Variants in VPS13B observed in about 807,000 individuals in gnomAD.
VPS13B encodes vacuolar protein sorting 13 homolog B.
VPS13B carries 285 observed loss-of-function variants against 426.4 expected under a neutral mutation model. That is an observed-to-expected ratio of 0.67 (90% CI 0.61 to 0.74). The LOEUF (loss-of-function observed/expected upper bound fraction) is 0.74, where lower values mean the gene tolerates loss of function less well. Among genes scored for constraint, VPS13B ranks in the 30% least tolerant of loss-of-function variants. VPS13B has a pLI of 0.00. For missense variants in VPS13B, 4,537 were observed against 4,782.6 expected (o/e 0.95, Z 1.51); for synonymous variants, 1,676 against 1,676.4 (o/e 1.00, Z 0.01).
At chr8:99,620,666 A>G (rs1828306998) in intron 33 of VPS13B, among the ~76,000 whole-genome samples, 1 of 152,116 alleles carries the variant, frequency 6.6e-6, no homozygotes, top group African/African-American at 2.4e-5. Context: ...TAATTATGGC[A>G]TATGATAAGA....
At chr8:99,632,305 ATT>A (rs763417766) in intron 33 of VPS13B, among the ~76,000 whole-genome samples, 55 of 151,986 alleles carry the variant, frequency 3.6e-4, no homozygotes, top group Non-Finnish European at 7.8e-4. Flanking sequence ...GATGCTTGAT[ATT>A]TGAGAGGAAG....
At chr8:99,781,066 A>G (rs1277215419) in intron 42 of VPS13B, among the ~76,000 whole-genome samples, 1 of 152,138 alleles carries the variant, frequency 6.6e-6, no homozygotes, top group Non-Finnish European at 1.5e-5. Flanking sequence ...GAGACAAGTC[A>G]TTTTTCCCCA....
At chr8:99,798,030 A>G (rs1477062396) in intron 43 of VPS13B, among the ~76,000 whole-genome samples, 1 of 152,106 alleles carries the variant, frequency 6.6e-6, no homozygotes, top group Non-Finnish European at 1.5e-5. Context: ...AGTGGCAGTA[A>G]CAAGCTTCTT....
intron 2 of VPS13B, among the ~76,000 whole-genome samples, chr8:99,030,540 C>G (rs895422288): frequency 6.6e-6 from 1 of 151,744 alleles, no homozygotes; most frequent in African/African-American, 2.4e-5. Flanking sequence ...ACTTTTTACC[C>G]TGAGTGTCTG....
intron 19 of VPS13B, among the ~76,000 whole-genome samples, chr8:99,325,679 C>T (rs1373521557): frequency 2.6e-5 from 4 of 152,136 alleles, no homozygotes; most frequent in African/African-American, 9.7e-5. Context: ...CATTATTTTC[C>T]ATGATTGGCA....
In VPS13B at chr8:99,819,423, A is replaced by G. The variant is rs1563490033; in HGVS notation, c.8633A>G (p.Asp2878Gly). 8 of 1,613,822 alleles carry G rather than the reference A, an allele frequency of 5.0e-6. No individual in the cohort carries two copies. Among genetic ancestry groups the G allele is most frequent in the East Asian group, 2.2e-5 (1 of 44,858 alleles). The change falls in exon 48 of 62, where the codon GAT (aspartate) becomes GGT (glycine). Residue 2878 changes from aspartate (D) to glycine (G), a missense_variant. Physicochemically the swap from Asp to Gly is moderately conservative, Grantham distance 94. Transcript: ENST00000357162. ...TTTCAATTTCCTAGAGAAGAATATG[A>G]TCCTTCAGATTGTGCAGTTCCCATC... is the stretch of plus-strand genomic sequence containing the variant. ...HLTFQAREEY[D>G]PSDCAVPIST...
chr8:99,656,868 A>C (rs781608064), intron 34 of VPS13B, among the ~76,000 whole-genome samples: 1 of 152,196 alleles, frequency 6.6e-6, no homozygotes, highest in African/African-American at 2.4e-5. Flanking sequence ...TTTAGCAAAA[A>C]CTGGGAAAAG....
intron 22 of VPS13B, 26 bp from the exon 23 acceptor site, chr8:99,442,375 A>G: frequency 6.3e-7 from 1 of 1,599,520 alleles, no homozygotes; most frequent in East Asian, 2.2e-5. Flanking sequence ...TAATCCGAAT[A>G]TTTTAATTCT....
intron 18 of VPS13B, 90 bp from the exon 19 acceptor site, chr8:99,274,991 A>T (rs1449485848): frequency 9.1e-7 from 1 of 1,103,304 alleles, no homozygotes; most frequent in African/African-American, 1.6e-5. Context: ...TTGAAATGTT[A>T]TATTATGGTG....
intron 2 of VPS13B, among the ~76,000 whole-genome samples, chr8:99,034,815 C>T (rs889345521): frequency 3.9e-5 from 6 of 152,086 alleles, no homozygotes; most frequent in Non-Finnish European, 7.4e-5. Flanking sequence ...GAGGATTTGC[C>T]GAGCTCCTCA....
intron 23 of VPS13B, among the ~76,000 whole-genome samples, chr8:99,462,684 A>G (rs1052048942): frequency 1.3e-5 from 2 of 152,126 alleles, no homozygotes; most frequent in African/African-American, 2.4e-5. Flanking sequence ...CCTCAAATTC[A>G]TATGTTGAGC....
chr8:99,864,854 C>A (rs1817012563), intron 58 of VPS13B, among the ~76,000 whole-genome samples: 1 of 152,188 alleles, frequency 6.6e-6, no homozygotes, highest in African/African-American at 2.4e-5. Context: ...GTCGCCTACC[C>A]CTGTGGGGCT....
At chr8:99,507,948 A>G (rs1821587717) in intron 28 of VPS13B, 2 of 1,613,708 alleles carry the variant, frequency 1.2e-6, no homozygotes, top group Non-Finnish European at 1.7e-6. Flanking sequence ...CACAACTCCC[A>G]TTAACAGGAA....
intron 3 of VPS13B, among the ~76,000 whole-genome samples, chr8:99,086,783 A>G (rs921881442): frequency 6.6e-6 from 1 of 152,164 alleles, no homozygotes; most frequent in African/African-American, 2.4e-5. Context: ...ATATTGGTGA[A>G]CAGCAAATGT....
intron 19 of VPS13B, among the ~76,000 whole-genome samples, chr8:99,329,754 A>G (rs1810457282): frequency 6.6e-6 from 1 of 152,054 alleles, no homozygotes; most frequent in Non-Finnish European, 1.5e-5. Context: ...CATTCTTATC[A>G]TCTTGACAGA....
intron 3 of VPS13B, among the ~76,000 whole-genome samples, chr8:99,061,535 G>C (rs1286320189): frequency 1.3e-5 from 2 of 151,306 alleles, no homozygotes. Context: ...ATATTTTACT[G>C]GTCCCATCTG....
intron 39 of VPS13B, among the ~76,000 whole-genome samples, chr8:99,748,756 A>G (rs564347772): frequency 6.6e-6 from 1 of 152,126 alleles, no homozygotes; most frequent in South Asian, 2.1e-4. Context: ...TTTGCAAACT[A>G]TATACTCAGG....
chr8:99,098,806 A>G (rs1246500999), intron 4 of VPS13B, among the ~76,000 whole-genome samples: 2 of 152,120 alleles, frequency 1.3e-5, no homozygotes, highest in South Asian at 2.1e-4. Flanking sequence ...GGAAAATGCT[A>G]TCATACATTT....
intron 35 of VPS13B, chr8:99,698,065 G>A (rs146054580): frequency 5.1e-5 from 17 of 336,046 alleles, no homozygotes; most frequent in Non-Finnish European, 8.7e-5. Flanking sequence ...CTGCCCTGGC[G>A]AGGGCCGTGA....
Sources: allele counts gnomAD v4.1 joint callset (sites outside exome capture counted in the v4.1 genomes callset), GRCh38; gene constraint gnomAD v4.1.1; transcripts MANE v1.5; gene names NCBI Gene and HGNC (gene_info 2026-07-23, HGNC 2026-07-21).